Variants in PEX14 observed in about 807,000 individuals in gnomAD.
PEX14 encodes the protein peroxisomal biogenesis factor 14, also known as peroxisomal membrane protein PEX14.
Under a neutral mutation model 49.5 loss-of-function variants are expected in PEX14, and 15 were observed. The observed-to-expected ratio is 0.30, with a 90% CI of 0.20 to 0.47. The LOEUF is 0.47. Among genes scored for constraint, PEX14 ranks in the 20% least tolerant of loss-of-function variants. PEX14 has a pLI of 1.00. For missense variants in PEX14, 398 were observed against 494.8 expected, an observed-to-expected ratio of 0.80 and a Z score of 1.86; for synonymous variants, 210 against 212.7, an observed-to-expected ratio of 0.99 and a Z score of 0.11.
At chr1:10,624,690 G>A (rs1163664935) in intron 7 of PEX14, among the ~76,000 whole-genome samples, 17 of 152,220 alleles carry the variant, frequency 1.1e-4, no homozygotes, top group Admixed American at 1.1e-3. Context: ...ACAGGAGGAA[G>A]GAAAAGCTAC....
intron 1 of PEX14, among the ~76,000 whole-genome samples, chr1:10,486,360 G>GTT (rs201702205): frequency 8.1e-4 from 100 of 124,106 alleles, no homozygotes; most frequent in Non-Finnish European, 9.2e-4. Context: ...AGTTTGCTGA[G>GTT]TTTTTTTTTT....
At chr1:10,588,206 C>A (rs1012016645) in intron 3 of PEX14, among the ~76,000 whole-genome samples, 1 of 150,232 alleles carries the variant, frequency 6.7e-6, no homozygotes, top group Admixed American at 6.6e-5. Context: ...GGTGACAGAG[C>A]GAGACTCCGT....
Position 10,629,385 on chromosome 1 carries a change from G to C in PEX14, c.678-146G>C, listed in dbSNP as rs567459379. On this transcript the variant is annotated intron_variant, in intron 8 of 8. Transcript: ENST00000356607. The surrounding 1 kb of genome is among the most constrained non-coding windows in gnomAD (Gnocchi z 8.5). ...ATCTTTGCTCCTGAAAGGAGGGGTG[G>C]AAGGGCTCCATCCTGTCCCTTGCCC... 3 of 681,532 alleles carry C rather than the reference G, an allele frequency of 4.4e-6. No homozygotes were observed. In the African/African-American group the frequency reaches 5.3e-5, roughly 12 times the overall value. The allele number at this position is 681,532 out of a possible 1,614,324, so 42.2% of individuals were successfully genotyped here.
chr1:10,589,048 T>A (rs998350593), intron 3 of PEX14, among the ~76,000 whole-genome samples: 1 of 152,236 alleles, frequency 6.6e-6, no homozygotes, highest in African/African-American at 2.4e-5. Context: ...TATACCCTTT[T>A]ATATCTTTAG....
chr1:10,486,697 T>TC (rs1353595460), intron 1 of PEX14, among the ~76,000 whole-genome samples: 1 of 150,614 alleles, frequency 6.6e-6, no homozygotes, highest in African/African-American at 2.4e-5. Flanking sequence ...CTCTTTTTTT[T>TC]TTTTTTTTGA....
chr1:10,617,976 G>C (rs1641476706), intron 4 of PEX14, among the ~76,000 whole-genome samples: 1 of 152,206 alleles, frequency 6.6e-6, no homozygotes, highest in African/African-American at 2.4e-5. Flanking sequence ...ACATACTCCT[G>C]TTATCCTCTC....
In PEX14 at chr1:10,628,096, C is replaced by G. The variant is rs368252103; in HGVS notation, c.677+733C>G. Among the ~76,000 whole-genome samples the G allele has an allele frequency of 7.0e-3, 1,061 of 152,254 alleles. 12 individuals are homozygous for G. The highest frequency in any genetic ancestry group is 0.024 in the African/African-American group (1,000 of 41,534). ...GATTACAGGCGCCCGCCACCACTCC[C>G]GGCTAATTTTTGTATTTTTAGTAGA... On this transcript the variant is annotated intron_variant, in intron 8 of 8. Coordinates refer to ENST00000356607, the MANE Select transcript of PEX14 (RefSeq NM_004565.3). This position sits in a 1 kb window ranked among gnomAD's most constrained non-coding sequence, Gnocchi z 4.5.
intron 3 of PEX14, among the ~76,000 whole-genome samples, chr1:10,551,950 G>A (rs780508303): frequency 1.6e-4 from 24 of 152,042 alleles, no homozygotes; most frequent in East Asian, 3.9e-4. Context: ...AAAATTAGCC[G>A]GGTGTGGTGG....
Position 10,623,446 on chromosome 1 carries a change from G to C in PEX14, c.487+325G>C, listed in dbSNP as rs1448705934. On this transcript the variant is annotated intron_variant, in intron 6 of 8. Coordinates refer to ENST00000356607, the MANE Select transcript of PEX14 (RefSeq NM_004565.3). This position sits in a 1 kb window ranked among gnomAD's most constrained non-coding sequence, Gnocchi z 4.4. ...CTGCTTCTATGAGGTTTTCAGGGGG[G>C]TTTTCAGTGATTTTCCCCCTTCCCT... Among the ~76,000 whole-genome samples, 2 of 152,110 alleles carry C rather than the reference G, an allele frequency of 1.3e-5. No individual in the cohort carries two copies. The highest frequency in any genetic ancestry group is 6.5e-5 in the Admixed American group (1 of 15,280).
chr1:10,536,129 C>G (rs1215052273), intron 2 of PEX14, 84 bp from the exon 3 acceptor site: 5 of 863,686 alleles, frequency 5.8e-6, no homozygotes, highest in Admixed American at 5.2e-5. Flanking sequence ...CTCTGTGGAG[C>G]TGGGAAAAAC....
chr1:10,524,808 C>T (rs1638420155), intron 2 of PEX14, among the ~76,000 whole-genome samples: 1 of 152,184 alleles, frequency 6.6e-6, no homozygotes, highest in Admixed American at 6.5e-5. Context: ...ATCCTCCCAC[C>T]TAGCTCCCCA....
chr1:10,614,884 T>C (rs186115236), intron 4 of PEX14, among the ~76,000 whole-genome samples: 2 of 152,298 alleles, frequency 1.3e-5, no homozygotes, highest in East Asian at 3.9e-4. Context: ...TGTCAGGTTT[T>C]GTATCTGGAG....
chr1:10,482,384 C>T (rs1270356459), intron 1 of PEX14, among the ~76,000 whole-genome samples: 2 of 151,894 alleles, frequency 1.3e-5, no homozygotes, highest in East Asian at 3.9e-4. Flanking sequence ...CCTACCTTGG[C>T]CTCCCAAAGT....
intron 1 of PEX14, among the ~76,000 whole-genome samples, chr1:10,493,754 T>C (rs1052443539): frequency 6.6e-6 from 1 of 152,186 alleles, no homozygotes; most frequent in Non-Finnish European, 1.5e-5. Context: ...CTTGATGTAA[T>C]GAGTTAGCTC....
chr1:10,520,179 A>G (rs1365852911), intron 2 of PEX14, among the ~76,000 whole-genome samples: 4 of 77,032 alleles, frequency 5.2e-5, no homozygotes, highest in Non-Finnish European at 1.1e-4. Context: ...TTAACTAGAG[A>G]CAAGGTCTCA....
chr1:10,496,342 C>T (rs577144495), intron 2 of PEX14, among the ~76,000 whole-genome samples: 1 of 152,184 alleles, frequency 6.6e-6, no homozygotes, highest in South Asian at 2.1e-4. Context: ...AGCACTCCCA[C>T]GGTGGCCTCG....
intron 3 of PEX14, among the ~76,000 whole-genome samples, chr1:10,536,906 A>C (rs1638823267): frequency 6.6e-6 from 1 of 152,224 alleles, no homozygotes; most frequent in East Asian, 1.9e-4. Flanking sequence ...TGTAAAATGA[A>C]AACTACAAAG....
Position 10,613,176 on chromosome 1 carries a change from A to G in PEX14, c.299-5156A>G, listed in dbSNP as rs1022686302. Among the ~76,000 whole-genome samples, 2 of 152,208 alleles carry G rather than the reference A, an allele frequency of 1.3e-5. No individual in the cohort carries two copies. Among genetic ancestry groups the G allele is most frequent in the Admixed American group, 6.5e-5 (1 of 15,288 alleles). Reference sequence around the variant, plus strand: ...TCAACATTGCCGTGTTGTATGCACAAGTCCTAGTCCTGTGCATGTGTTCTT... The same window carrying G: ...TCAACATTGCCGTGTTGTATGCACAGGTCCTAGTCCTGTGCATGTGTTCTT... On this transcript the variant is annotated intron_variant, in intron 4 of 8. Transcript: ENST00000356607. The surrounding 1 kb of genome is among the most constrained non-coding windows in gnomAD (Gnocchi z 5.0).
chr1:10,568,742 G>A (rs994810866), intron 3 of PEX14, among the ~76,000 whole-genome samples: 3 of 151,872 alleles, frequency 2.0e-5, no homozygotes, highest in Non-Finnish European at 4.4e-5. Context: ...TTTTTGTTTT[G>A]TTTTGTTTTG....
Sources: allele counts gnomAD v4.1 joint callset (sites outside exome capture counted in the v4.1 genomes callset), GRCh38; gene constraint gnomAD v4.1.1; non-coding constraint Gnocchi (gnomAD v3.1); transcripts MANE v1.5; gene names NCBI Gene and HGNC (gene_info 2026-07-23, HGNC 2026-07-21).